The following SLC25A21 variants were observed in gnomAD, a reference collection of about 807,000 sequenced individuals.
SLC25A21 encodes the protein mitochondrial 2-oxodicarboxylate carrier.
Under a neutral mutation model 43.8 loss-of-function variants are expected in SLC25A21, and 47 were observed. The ratio of observed to expected loss-of-function variants is 1.07; its 90% CI spans 0.85 to 1.37. SLC25A21 has a LOEUF of 1.37. SLC25A21 is among the 40% of genes most tolerant of loss of function. The pLI is 0.00. For synonymous variants in SLC25A21, 131 were observed against 121.3 expected (o/e 1.08, Z -0.52); for missense variants, 352 against 350.2 (o/e 1.00, Z -0.04).
chr14:36,750,349 C>A (rs1021980769), intron 3 of SLC25A21, among the ~76,000 whole-genome samples: 2 of 152,136 alleles, frequency 1.3e-5, no homozygotes, highest in Non-Finnish European at 2.9e-5. Flanking sequence ...CATCAACTAC[C>A]AAGCTATGGT....
intron 1 of SLC25A21, among the ~76,000 whole-genome samples, chr14:37,106,597 A>C (rs1011152973): frequency 2.0e-5 from 3 of 152,164 alleles, no homozygotes; most frequent in Non-Finnish European, 4.4e-5. Flanking sequence ...CACTGAACAC[A>C]GACCCTTATC....
chr14:36,882,229 A>T lies in SLC25A21; in HGVS notation c.71-7225T>A, dbSNP rs181730218. ...AAAACCCCATCTCTACAAAAAATAC[A>T]AAAATTAGTCAGGCGTGGTGATGTG... On this transcript the variant is annotated intron_variant, in intron 1 of 9. Coordinates refer to ENST00000331299, the MANE Select transcript of SLC25A21 (RefSeq NM_030631.4). Among the ~76,000 whole-genome samples, 200 of 152,242 alleles carry T rather than the reference A, an allele frequency of 1.3e-3. 1 individual carries two copies. The highest frequency in any genetic ancestry group is 4.5e-3 in the African/African-American group (187 of 41,568).
At chr14:37,107,292 C>T (rs1238102875) in intron 1 of SLC25A21, among the ~76,000 whole-genome samples, 1 of 152,028 alleles carries the variant, frequency 6.6e-6, no homozygotes, top group African/African-American at 2.4e-5. Context: ...ATCCTCCCAC[C>T]TCATTCTCCT....
chr14:36,855,131 C>T (rs1216740763), intron 2 of SLC25A21, among the ~76,000 whole-genome samples: 1 of 152,038 alleles, frequency 6.6e-6, no homozygotes, highest in African/African-American at 2.4e-5. Context: ...GGACAAGCCA[C>T]CCCTTGGCAT....
chr14:36,989,510 T>A (rs551487924), intron 1 of SLC25A21, among the ~76,000 whole-genome samples: 3 of 152,172 alleles, frequency 2.0e-5, no homozygotes, highest in East Asian at 3.9e-4. Context: ...ATCATTTTTT[T>A]TTTTTGCTGT....
At position 37,003,637 on chromosome 14, in the gene SLC25A21, T is replaced by C. The variant is rs1202049660; in HGVS notation, c.71-128633A>G. ...TGGATTAATTTCATAGACATCATGT[T>C]GAGCAAAGCAGCCAGACATAAAACA... On this transcript the variant is annotated intron_variant, in intron 1 of 9. Transcript: ENST00000331299. Among the ~76,000 whole-genome samples the C allele has an allele frequency of 2.6e-5, 4 of 152,310 alleles. No homozygotes were observed. In the East Asian group the frequency reaches 5.8e-4, roughly 22 times the overall value.
At chr14:36,825,313 C>G (rs915745894) in intron 2 of SLC25A21, among the ~76,000 whole-genome samples, 44 of 152,262 alleles carry the variant, frequency 2.9e-4, no homozygotes, top group African/African-American at 1.1e-3. Flanking sequence ...AATAAACATT[C>G]CATTATGTCA....
At chr14:37,004,924 GA>G (rs1249320003) in intron 1 of SLC25A21, among the ~76,000 whole-genome samples, 3 of 127,800 alleles carry the variant, frequency 2.3e-5, no homozygotes, top group African/African-American at 1.2e-4. Flanking sequence ...GGCAGGGAAG[GA>G]ATTTTTTTTT....
At position 36,733,919 on chromosome 14, in the gene SLC25A21, C is replaced by T. The variant is rs573273874; in HGVS notation, c.270+588G>A. ...CTAGCAAGTAGTACATAAACCTCTA[C>T]AGTTATGTGGTTAAGTAAATGGAAA... On this transcript the variant is annotated intron_variant, in intron 4 of 9. Coordinates refer to ENST00000331299, the MANE Select transcript of SLC25A21 (RefSeq NM_030631.4). Among the ~76,000 whole-genome samples, 26 of 152,144 alleles carry T rather than the reference C, an allele frequency of 1.7e-4. No homozygotes were observed. In the East Asian group the frequency reaches 4.6e-3, roughly 27 times the overall value.
chr14:36,960,108 A>G (rs1959452678), intron 1 of SLC25A21, among the ~76,000 whole-genome samples: 1 of 152,146 alleles, frequency 6.6e-6, no homozygotes, highest in African/African-American at 2.4e-5. Context: ...TTTGTTTTTT[A>G]GTTTAGAAGG....
intron 6 of SLC25A21, 106 bp from the exon 7 acceptor site, chr14:36,711,588 TC>T: frequency 3.1e-6 from 4 of 1,277,296 alleles, no homozygotes; most frequent in African/African-American, 1.5e-5. Context: ...GGGACTTTTT[TC>T]CCCCAGATAT....
intron 3 of SLC25A21, among the ~76,000 whole-genome samples, chr14:36,765,798 C>T (rs1886391867): frequency 6.6e-6 from 1 of 152,168 alleles, no homozygotes; most frequent in Non-Finnish European, 1.5e-5. Flanking sequence ...TATTTACTCT[C>T]TTCACCTTCT....
intron 1 of SLC25A21, among the ~76,000 whole-genome samples, chr14:37,137,979 T>C (rs1963511261): frequency 6.6e-6 from 1 of 152,194 alleles, no homozygotes; most frequent in African/African-American, 2.4e-5. Context: ...GCCTTTAAAG[T>C]GCTTTTACTT....
chr14:36,763,476 G>A (rs1023605896), intron 3 of SLC25A21, among the ~76,000 whole-genome samples: 1 of 152,310 alleles, frequency 6.6e-6, no homozygotes, highest in Middle Eastern at 3.4e-3. Context: ...TGTTTTCAAA[G>A]AGAACTCTGC....
intron 1 of SLC25A21, among the ~76,000 whole-genome samples, chr14:37,114,558 T>C (rs1241709523): frequency 6.6e-6 from 1 of 152,220 alleles, no homozygotes; most frequent in Non-Finnish European, 1.5e-5. Flanking sequence ...AAACACGCTA[T>C]TTTTAAGAGG....
At chr14:36,849,258 T>C (rs1889645502) in intron 2 of SLC25A21, among the ~76,000 whole-genome samples, 1 of 152,190 alleles carries the variant, frequency 6.6e-6, no homozygotes, top group Non-Finnish European at 1.5e-5. Flanking sequence ...TGCCCATCTG[T>C]ATTTGTTCCC....
chr14:37,096,550 C>T (rs1231135421), intron 1 of SLC25A21, among the ~76,000 whole-genome samples: 1 of 152,024 alleles, frequency 6.6e-6, no homozygotes, highest in Non-Finnish European at 1.5e-5. Context: ...ACACTTTGTT[C>T]CTTTTCATTA....
intron 2 of SLC25A21, among the ~76,000 whole-genome samples, chr14:36,824,670 G>A (rs537852401): frequency 6.6e-6 from 1 of 152,074 alleles, no homozygotes; most frequent in Non-Finnish European, 1.5e-5. Context: ...CAGTGGTACT[G>A]TACTAAAAAT....
intron 1 of SLC25A21, among the ~76,000 whole-genome samples, chr14:37,097,418 T>C (rs976871253): frequency 3.3e-5 from 5 of 152,082 alleles, no homozygotes; most frequent in Admixed American, 3.3e-4. Flanking sequence ...TTTCTTGCGT[T>C]AAGGGTTGTT....
Sources: allele counts gnomAD v4.1 joint callset (sites outside exome capture counted in the v4.1 genomes callset), GRCh38; gene constraint gnomAD v4.1.1; transcripts MANE v1.5; gene names NCBI Gene and HGNC (gene_info 2026-07-23, HGNC 2026-07-21).